Variants in NALF1 observed in about 807,000 individuals in gnomAD.
NALF1 encodes family with sequence similarity 155 member A.
NALF1 carries 3 observed loss-of-function variants against 48.4 expected under a neutral mutation model. The observed-to-expected ratio is 0.06, with a 90% CI of 0.03 to 0.16. NALF1 has a LOEUF of 0.16. Among genes scored for constraint, NALF1 ranks in the 10% least tolerant of loss-of-function variants. The pLI, the probability that NALF1 is intolerant of heterozygous loss-of-function variation, is 1.00. For missense variants in NALF1, 526 were observed against 571.5 expected, an observed-to-expected ratio of 0.92 and a Z score of 0.81; for synonymous variants, 262 against 245.7, an observed-to-expected ratio of 1.07 and a Z score of -0.62.
chr13:107,734,975 C>T (rs140251991), intron 1 of NALF1, among the ~76,000 whole-genome samples: 1 of 152,140 alleles, frequency 6.6e-6, no homozygotes, highest in South Asian at 2.1e-4. Context: ...GAAATAAACT[C>T]CACTTAGGAA....
At chr13:107,405,742 G>A (rs576753573) in intron 1 of NALF1, among the ~76,000 whole-genome samples, 1 of 152,038 alleles carries the variant, frequency 6.6e-6, no homozygotes, top group East Asian at 1.9e-4. Flanking sequence ...GCCATTGAGA[G>A]GACCATAAAG....
chr13:107,813,584 T>C (rs757952962), intron 1 of NALF1, among the ~76,000 whole-genome samples: 24 of 152,252 alleles, frequency 1.6e-4, no homozygotes, highest in African/African-American at 5.8e-4. Context: ...ATATATTTCA[T>C]GCAGGGTAGA....
chr13:107,565,309 C>G (rs1415799183), intron 1 of NALF1, among the ~76,000 whole-genome samples: 1 of 148,108 alleles, frequency 6.8e-6, no homozygotes, highest in Non-Finnish European at 1.5e-5. Context: ...CCCTTGAGAC[C>G]AGGAAGTCAA....
At chr13:107,660,477 AC>A (rs1302323606) in intron 1 of NALF1, among the ~76,000 whole-genome samples, 6,057 of 121,270 alleles carry the variant, frequency 0.05, 223 homozygotes, top group African/African-American at 0.1. Context: ...ACACACACAC[AC>A]ACACACAACA....
intron 1 of NALF1, among the ~76,000 whole-genome samples, chr13:107,717,929 A>C (rs1482593175): frequency 6.6e-6 from 1 of 152,072 alleles, no homozygotes; most frequent in East Asian, 1.9e-4. Context: ...TCAGATCCCC[A>C]ACTCGCTGGT....
At chr13:107,751,066 A>G (rs1876925358) in intron 1 of NALF1, among the ~76,000 whole-genome samples, 1 of 152,254 alleles carries the variant, frequency 6.6e-6, no homozygotes, top group East Asian at 1.9e-4. Flanking sequence ...ATGTGCTATT[A>G]AGCATATTAA....
chr13:107,271,814 A>ATATATATATATATATTTATT (rs1374366280), intron 1 of NALF1, among the ~76,000 whole-genome samples: 7 of 102,548 alleles, frequency 6.8e-5, no homozygotes, highest in African/African-American at 1.5e-4. Flanking sequence ...ATATATATAT[A>ATATATATATATATATTTATT]TATTTATATA....
intron 1 of NALF1, among the ~76,000 whole-genome samples, chr13:107,370,159 T>C (rs1262033075): frequency 6.6e-6 from 1 of 152,152 alleles, no homozygotes; most frequent in Non-Finnish European, 1.5e-5. Context: ...TCTACTTTCA[T>C]ATTCTGCATT....
chr13:107,850,073 A>C (rs571625894), intron 1 of NALF1, among the ~76,000 whole-genome samples: 4 of 152,326 alleles, frequency 2.6e-5, no homozygotes, highest in African/African-American at 9.6e-5. Context: ...ATTGTGTTAA[A>C]ATGCCTTAGT....
chr13:107,335,707 G>A (rs1270658584), intron 1 of NALF1, among the ~76,000 whole-genome samples: 3 of 152,070 alleles, frequency 2.0e-5, no homozygotes, highest in Admixed American at 6.5e-5. Flanking sequence ...TGATTCATGG[G>A]TACCATCACT....
At chr13:107,858,469 T>C (rs368784172) in intron 1 of NALF1, among the ~76,000 whole-genome samples, 2 of 152,180 alleles carry the variant, frequency 1.3e-5, no homozygotes, top group Non-Finnish European at 2.9e-5. Context: ...GGTGGGAGCA[T>C]CACCCGAGGT....
At chr13:107,397,641 AT>A (rs372187306) in intron 1 of NALF1, among the ~76,000 whole-genome samples, 10 of 150,222 alleles carry the variant, frequency 6.7e-5, no homozygotes, top group South Asian at 2.1e-4. Context: ...CTACATTTTG[AT>A]TTTTTTTTTA....
At chr13:107,226,073 C>A (rs1278338166) in intron 1 of NALF1, among the ~76,000 whole-genome samples, 1 of 152,060 alleles carries the variant, frequency 6.6e-6, no homozygotes, top group Non-Finnish European at 1.5e-5. Flanking sequence ...GCATAAAGGT[C>A]GTTTTCTTAA....
chr13:107,652,348 A>T (rs1880469572), intron 1 of NALF1, among the ~76,000 whole-genome samples: 1 of 152,230 alleles, frequency 6.6e-6, no homozygotes, highest in African/African-American at 2.4e-5. Flanking sequence ...TAACATATTT[A>T]AATGTTATTA....
chr13:107,323,751 T>C (rs1461714543), intron 1 of NALF1, among the ~76,000 whole-genome samples: 2 of 152,228 alleles, frequency 1.3e-5, no homozygotes, highest in Non-Finnish European at 2.9e-5. Context: ...TCCATTGTGC[T>C]TGTCCCTGGT....
Position 107,362,012 on chromosome 13 carries a change from C to A in NALF1, c.916-151257G>T, listed in dbSNP as rs566854044. Among the ~76,000 whole-genome samples the A allele has an allele frequency of 6.6e-6, 1 of 152,216 alleles. No individual in the cohort carries two copies. Among genetic ancestry groups the A allele is most frequent in the South Asian group, 2.1e-4 (1 of 4,822 alleles). ...CTTGTTCTGAGATGTTCTGGGATGG[C>A]ACCATCATAAACTGGGTCCCTGAGA... On this transcript the variant is annotated intron_variant, in intron 1 of 2. Transcript: ENST00000375915. This position sits in a 1 kb window ranked among gnomAD's most constrained non-coding sequence, Gnocchi z 4.6.
chr13:107,753,529 C>T (rs547489196), intron 1 of NALF1, among the ~76,000 whole-genome samples: 8 of 147,882 alleles, frequency 5.4e-5, no homozygotes, highest in Non-Finnish European at 8.9e-5. Context: ...GGGATGATGA[C>T]GAAATACAAA....
intron 1 of NALF1, among the ~76,000 whole-genome samples, chr13:107,413,237 A>C (rs1182703726): frequency 6.6e-6 from 1 of 152,182 alleles, no homozygotes; most frequent in East Asian, 1.9e-4. Flanking sequence ...TACTAATATA[A>C]TATTTTAGAA....
Position 107,166,125 on chromosome 13 carries a change from AAATT to A in NALF1, c.*4368_*4371del, listed in dbSNP as rs1356471745. 1 of 152,106 alleles carries A rather than the reference AAATT, an allele frequency of 6.6e-6. No homozygotes were observed. Among genetic ancestry groups the A allele is most frequent in the Non-Finnish European group, 1.5e-5 (1 of 68,032 alleles). 9.4% of individuals were successfully genotyped at this position (152,106 alleles called of 1,614,324 possible). A position where few individuals can be genotyped will look rare whatever the true frequency, so the allele number is the denominator to read the frequency against. ...TCATATATGCATATGCACACTTATG[AAATT>A]AAATACCTGGCTGGGTGTGGTATCT... is the stretch of plus-strand genomic sequence containing the variant. On this transcript the variant is annotated 3_prime_UTR_variant, in exon 3 of 3. Coordinates refer to ENST00000375915, the MANE Select transcript of NALF1 (RefSeq NM_001080396.3).
Sources: allele counts gnomAD v4.1 joint callset (sites outside exome capture counted in the v4.1 genomes callset), GRCh38; gene constraint gnomAD v4.1.1; non-coding constraint Gnocchi (gnomAD v3.1); transcripts MANE v1.5; gene names NCBI Gene and HGNC (gene_info 2026-07-23, HGNC 2026-07-21).